NAV3: variants seen among roughly 807,000 people sequenced by gnomAD.
NAV3 encodes pore membrane and/or filament interacting like protein 1.
NAV3 carries 87 observed loss-of-function variants against 244.7 expected under a neutral mutation model. The observed-to-expected ratio is 0.36, with a 90% confidence interval of 0.30 to 0.42. The LOEUF (loss-of-function observed/expected upper bound fraction) is 0.42, where lower values mean the gene tolerates loss of function less well. Ranked by LOEUF, NAV3 falls within the 20% of genes least tolerant of loss-of-function variation. NAV3 has a pLI of 1.00. For missense variants in NAV3, 2,663 were observed against 2,893.3 expected, an observed-to-expected ratio of 0.92 and a Z score of 1.83; for synonymous variants, 1,126 against 1,042.2, an observed-to-expected ratio of 1.08 and a Z score of -1.55.
intron 24 of NAV3, among the ~76,000 whole-genome samples, chr12:78,173,557 C>T (rs997457624): frequency 1.1e-4 from 16 of 151,486 alleles, no homozygotes; most frequent in African/African-American, 3.6e-4. Flanking sequence ...TCTTCTATTG[C>T]CCATTTATAT....
At chr12:77,923,359 A>C (rs1341099437) in intron 1 of NAV3, among the ~76,000 whole-genome samples, 1 of 152,168 alleles carries the variant, frequency 6.6e-6, no homozygotes, top group Non-Finnish European at 1.5e-5. Flanking sequence ...TTAATTTCAC[A>C]CACACATATC....
chr12:77,791,897 T>C (rs1026412059), intron 2 of NAV3, among the ~76,000 whole-genome samples: 5 of 152,232 alleles, frequency 3.3e-5, no homozygotes, highest in Non-Finnish European at 7.3e-5. Context: ...AAAGTATGCC[T>C]GTAAGGATAT....
rs63040460 is a variant in NAV3, at chr12:77,963,916, T to C, written c.415-2313T>C. Among the ~76,000 whole-genome samples the C allele has an allele frequency of 0.035, 137 of 3,878 alleles. 2 individuals carry two copies. In the Middle Eastern group the frequency reaches 0.36, roughly 10 times the overall value. The allele number at this position is 3,878 out of a possible 152,430, so 2.5% of individuals were successfully genotyped here. On this transcript the variant is annotated intron_variant, in intron 3 of 39. Coordinates refer to ENST00000397909, the MANE Select transcript of NAV3 (RefSeq NM_001024383.2). The stretch of plus-strand genomic sequence containing the variant: ...TTCTCCTTCTCCTTCCTTCTCCTTC[T>C]CCTTCCTTCTTCTCCTCCTTCTGCT...
intron 12 of NAV3, among the ~76,000 whole-genome samples, chr12:78,085,386 G>T (rs571876730): frequency 6.6e-6 from 1 of 152,144 alleles, no homozygotes; most frequent in South Asian, 2.1e-4. Context: ...ACCCTTAAAG[G>T]TTCTGGCATA....
chr12:77,739,545 T>C lies in NAV3; in HGVS notation c.72+167279T>C, dbSNP rs771992490. Among the ~76,000 whole-genome samples the C allele has an allele frequency of 5.0e-4, 76 of 152,150 alleles. 1 individual carries two copies. Among genetic ancestry groups the C allele is most frequent in the Non-Finnish European group, 8.8e-4 (60 of 68,010 alleles). Reference sequence around the variant, plus strand: ...TGACTCTGACTGAACATTAATGTCATATCAGATAACAAGAAAACAGTTTTT... The same window carrying C: ...TGACTCTGACTGAACATTAATGTCACATCAGATAACAAGAAAACAGTTTTT... On this transcript the variant is annotated intron_variant, in intron 2 of 8. Transcript: ENST00000550042.
At chr12:78,099,634 G>A (rs1406144514) in intron 12 of NAV3, among the ~76,000 whole-genome samples, 2 of 151,802 alleles carry the variant, frequency 1.3e-5, no homozygotes, top group African/African-American at 4.8e-5. Flanking sequence ...ACAAATAGAA[G>A]ACTTTAAATC....
intron 2 of NAV3, among the ~76,000 whole-genome samples, chr12:77,602,885 T>C (rs1450677066): frequency 6.6e-6 from 1 of 152,032 alleles, no homozygotes; most frequent in Non-Finnish European, 1.5e-5. Flanking sequence ...AAAGACCCCA[T>C]GCAACAGGGA....
intron 31 of NAV3, among the ~76,000 whole-genome samples, chr12:78,186,597 A>G (rs1050878798): frequency 1.1e-4 from 16 of 151,926 alleles, no homozygotes; most frequent in Non-Finnish European, 1.9e-4. Flanking sequence ...GTATTGCATA[A>G]GCAGTAATTT....
At chr12:77,581,419 T>G (rs1273796607) in intron 2 of NAV3, among the ~76,000 whole-genome samples, 1 of 152,216 alleles carries the variant, frequency 6.6e-6, no homozygotes, top group African/African-American at 2.4e-5. Flanking sequence ...TATAAATGTT[T>G]CCTGCCACAT....
chr12:77,764,261 T>G (rs1191509482), intron 2 of NAV3, among the ~76,000 whole-genome samples: 1 of 152,226 alleles, frequency 6.6e-6, no homozygotes, highest in Admixed American at 6.5e-5. Context: ...TTATTTGGTA[T>G]TCATATACTG....
chr12:77,594,977 A>G (rs534635319), intron 2 of NAV3, among the ~76,000 whole-genome samples: 1 of 152,342 alleles, frequency 6.6e-6, no homozygotes, highest in African/African-American at 2.4e-5. Flanking sequence ...ATTAGTGGCC[A>G]TTATGGAAAA....
At chr12:78,152,412 A>T (rs1045517396) in intron 22 of NAV3, among the ~76,000 whole-genome samples, 1 of 151,640 alleles carries the variant, frequency 6.6e-6, no homozygotes, top group African/African-American at 2.4e-5. Flanking sequence ...AATTTTGTAT[A>T]TATCTGAACA....
chr12:77,977,366 T>C (rs1868636624), intron 5 of NAV3, among the ~76,000 whole-genome samples: 1 of 152,138 alleles, frequency 6.6e-6, no homozygotes, highest in East Asian at 1.9e-4. Flanking sequence ...ACTAACATAG[T>C]TACACTCCAC....
chr12:78,051,237 C>A (rs2137269290), intron 11 of NAV3, 90 bp downstream of exon 11: 2 of 1,442,080 alleles, frequency 1.4e-6, no homozygotes, highest in Non-Finnish European at 1.9e-6. Flanking sequence ...GTAAGTTTGC[C>A]CAGAAAGTCA....
At chr12:77,651,384 G>A (rs1441957444) in intron 2 of NAV3, among the ~76,000 whole-genome samples, 1 of 151,908 alleles carries the variant, frequency 6.6e-6, no homozygotes, top group African/African-American at 2.4e-5. Context: ...TTTTGTTGTT[G>A]ATTTAGCTTG....
chr12:77,879,677 C>T (rs1368694966), intron 1 of NAV3, among the ~76,000 whole-genome samples: 1 of 85,246 alleles, frequency 1.2e-5, no homozygotes, highest in African/African-American at 4.9e-5. Flanking sequence ...CGAAGTGAAA[C>T]TCCATCTCAA....
chr12:78,108,803 A>C (rs1335611893), intron 12 of NAV3, among the ~76,000 whole-genome samples: 1 of 152,162 alleles, frequency 6.6e-6, no homozygotes, highest in Non-Finnish European at 1.5e-5. Context: ...GCATACAGCA[A>C]AAGCAGTGCT....
At chr12:77,745,327 A>G (rs747731838) in intron 2 of NAV3, among the ~76,000 whole-genome samples, 28 of 152,028 alleles carry the variant, frequency 1.8e-4, no homozygotes, top group Middle Eastern at 3.2e-3. Flanking sequence ...TGGTTCTTGT[A>G]AAAACTGGGA....
chr12:78,128,789 C>G lies in NAV3; in HGVS notation c.4364C>G (p.Thr1455Ser), dbSNP rs759410652. Reference protein sequence around the residue: ...RSHSTGGLQDTGNQSPLVSPS... With the variant: ...RSHSTGGLQDSGNQSPLVSPS... ...CATTCTACTGGAGGGCTTCAGGACA[C>G]TGGCAACCAGTCACCTCTGGTTTCC... Residue 1455 changes from threonine to serine, a missense_variant, in exon 18 of 40, where the codon ACT becomes AGT. By Grantham distance (58) the Thr-to-Ser change is moderately conservative. Coordinates refer to ENST00000397909, the MANE Select transcript of NAV3 (RefSeq NM_001024383.2). 6.2e-7 allele frequency: 1 copy of G among 1,614,112 alleles called. No individual in the cohort carries two copies. The highest frequency in any genetic ancestry group is 1.7e-5 in the Admixed American group (1 of 60,004).
Sources: gnomAD v4.1 joint callset for allele counts (sites outside exome capture counted in the v4.1 genomes callset) on GRCh38, gnomAD v4.1.1 for gene constraint, MANE v1.5 for transcripts, NCBI Gene and HGNC (gene_info 2026-07-23, HGNC 2026-07-21) for gene names.